Variants in ZHX2 observed in about 807,000 individuals in gnomAD.
ZHX2 encodes the protein zinc fingers and homeoboxes protein 2.
In ZHX2, 6 loss-of-function variants were observed where a neutral mutation model predicts 21.9. The observed-to-expected ratio is 0.27, with a 90% CI of 0.15 to 0.54. The LOEUF (loss-of-function observed/expected upper bound fraction) is 0.54. Among genes scored for constraint, ZHX2 ranks in the 20% least tolerant of loss-of-function variants. ZHX2 has a pLI of 0.95. For missense variants in ZHX2, 908 were observed against 1,090.7 expected (o/e 0.83, Z 2.36); for synonymous variants, 434 against 437.1 (o/e 0.99, Z 0.09).
chr8:122,864,417 C>T (rs114285943), intron 2 of ZHX2, among the ~76,000 whole-genome samples: 50 of 152,074 alleles, frequency 3.3e-4, no homozygotes, highest in African/African-American at 1.1e-3. Context: ...AGACAATGCA[C>T]ATATCATAGA....
intron 2 of ZHX2, among the ~76,000 whole-genome samples, chr8:122,927,842 T>G: frequency 6.6e-6 from 1 of 152,148 alleles, no homozygotes; most frequent in East Asian, 1.9e-4. Flanking sequence ...CAAGATCCCA[T>G]TGCGTTAGAA....
chr8:122,881,605 T>C (rs908581824), intron 2 of ZHX2, among the ~76,000 whole-genome samples: 3 of 152,188 alleles, frequency 2.0e-5, no homozygotes, highest in Admixed American at 6.5e-5. Flanking sequence ...AGAGATGAAG[T>C]AGAATTTGAT....
intron 2 of ZHX2, among the ~76,000 whole-genome samples, chr8:122,926,139 C>T (rs1336367232): frequency 1.3e-5 from 2 of 152,206 alleles, no homozygotes; most frequent in Admixed American, 1.3e-4. Context: ...CTGGGCTGCT[C>T]CCTGGAACTG....
intron 1 of ZHX2, among the ~76,000 whole-genome samples, chr8:122,855,974 G>A (rs1006124741): frequency 3.9e-5 from 6 of 152,186 alleles, no homozygotes; most frequent in African/African-American, 1.4e-4. Flanking sequence ...GCACCTAGAT[G>A]TACCCCATGA....
At position 122,832,327 on chromosome 8, in the gene ZHX2, T is replaced by C. The variant is rs1021873972; in HGVS notation, c.-282-31150T>C. On this transcript the variant is annotated intron_variant, in intron 1 of 3. Coordinates refer to ENST00000314393, the MANE Select transcript of ZHX2 (RefSeq NM_014943.5). ...GTTAGTTTGGCTTGGAGAGATAGTT[T>C]TAGGCTTTCAAGGGTGAGGACAGCA... Among the ~76,000 whole-genome samples the C allele has an allele frequency of 2.6e-5, 4 of 152,116 alleles. No homozygotes were observed. In the South Asian group the frequency reaches 8.3e-4, roughly 31 times the overall value.
chr8:122,795,170 C>T (rs1432641911), intron 1 of ZHX2, among the ~76,000 whole-genome samples: 1 of 152,252 alleles, frequency 6.6e-6, no homozygotes, highest in East Asian at 1.9e-4. Context: ...AAGTTCTATG[C>T]TCCTGGGTTG....
chr8:122,850,213 C>T (rs1586324938), intron 1 of ZHX2, among the ~76,000 whole-genome samples: 4 of 152,172 alleles, frequency 2.6e-5, no homozygotes, highest in African/African-American at 4.8e-5. Flanking sequence ...AGCCCCGTGT[C>T]GCACCCCCCC....
chr8:122,810,976 G>T (rs1817916431), intron 1 of ZHX2, among the ~76,000 whole-genome samples: 1 of 152,184 alleles, frequency 6.6e-6, no homozygotes, highest in Non-Finnish European at 1.5e-5. Context: ...TTAAAATTGG[G>T]AATGTTTGAT....
chr8:122,954,370 C>T (rs944869638), intron 3 of ZHX2, among the ~76,000 whole-genome samples: 2 of 152,012 alleles, frequency 1.3e-5, no homozygotes, highest in African/African-American at 2.4e-5. Context: ...TGCAGTGGCT[C>T]GATCATAGGT....
chr8:122,852,405 C>G (rs1586327539), intron 1 of ZHX2, among the ~76,000 whole-genome samples: 1 of 152,028 alleles, frequency 6.6e-6, no homozygotes. Context: ...TCATTTAATT[C>G]CCCAAACCAC....
At chr8:122,817,376 C>A (rs1818057702) in intron 1 of ZHX2, among the ~76,000 whole-genome samples, 2 of 152,212 alleles carry the variant, frequency 1.3e-5, no homozygotes, top group African/African-American at 4.8e-5. Context: ...CACTCAGGAT[C>A]AGTTGCCGTA....
intron 1 of ZHX2, among the ~76,000 whole-genome samples, chr8:122,812,300 A>G (rs1441680825): frequency 6.6e-6 from 1 of 152,214 alleles, no homozygotes; most frequent in African/African-American, 2.4e-5. Flanking sequence ...TCAAGACCTC[A>G]TGCCTTTCAG....
intron 2 of ZHX2, among the ~76,000 whole-genome samples, chr8:122,933,771 G>C (rs1812608378): frequency 6.6e-6 from 1 of 152,204 alleles, no homozygotes. Context: ...ACAATTTCCT[G>C]ACTTTCCTGG....
chr8:122,911,879 G>A (rs1820489076), intron 2 of ZHX2, among the ~76,000 whole-genome samples: 1 of 152,104 alleles, frequency 6.6e-6, no homozygotes. Flanking sequence ...GGTAAGCTTT[G>A]GGGTGGGCTG....
chr8:122,871,728 C>CAAAA (rs35881741), intron 2 of ZHX2, among the ~76,000 whole-genome samples: 15 of 107,952 alleles, frequency 1.4e-4, no homozygotes, highest in South Asian at 6.3e-4. Context: ...TTTCTCAGGG[C>CAAAA]AAAAAAAAAA....
chr8:122,799,824 GCATTTA>G (rs1817681699), intron 1 of ZHX2, among the ~76,000 whole-genome samples: 1 of 152,136 alleles, frequency 6.6e-6, no homozygotes, highest in Non-Finnish European at 1.5e-5. Flanking sequence ...GGAGTAATGG[GCATTTA>G]CATTTACATT....
intron 3 of ZHX2, among the ~76,000 whole-genome samples, chr8:122,954,285 G>T (rs1813236104): frequency 6.6e-6 from 1 of 152,120 alleles, no homozygotes; most frequent in African/African-American, 2.4e-5. Flanking sequence ...TAGTGGAAGG[G>T]TCTGGTTTTG....
At chr8:122,810,163 C>T (rs1473273327) in intron 1 of ZHX2, among the ~76,000 whole-genome samples, 1 of 152,194 alleles carries the variant, frequency 6.6e-6, no homozygotes, top group Non-Finnish European at 1.5e-5. Flanking sequence ...TAAGTGCCAG[C>T]CCTAGAGGCC....
intron 1 of ZHX2, among the ~76,000 whole-genome samples, chr8:122,846,664 T>C (rs980786766): frequency 4.0e-5 from 6 of 151,540 alleles, no homozygotes; most frequent in African/African-American, 1.5e-4. Context: ...ACCTTTGTCC[T>C]ATGATGGCTT....
Sources: gnomAD v4.1 joint callset for allele counts (sites outside exome capture counted in the v4.1 genomes callset) on GRCh38, gnomAD v4.1.1 for gene constraint, MANE v1.5 for transcripts, NCBI Gene and HGNC (gene_info 2026-07-23, HGNC 2026-07-21) for gene names.